ATRNL1: variants seen among roughly 807,000 people sequenced by gnomAD.
ATRNL1 encodes attractin like 1.
In ATRNL1, 95 loss-of-function variants were observed where a neutral mutation model predicts 182.7. The ratio of observed to expected loss-of-function variants is 0.52; its 90% CI spans 0.44 to 0.62. The LOEUF is 0.62. Ranked by LOEUF, ATRNL1 falls within the 20% of genes least tolerant of loss-of-function variation. The probability of loss-of-function intolerance (pLI) is 0.00; values close to 1 mark genes in which losing one functional copy is unlikely to be tolerated. For missense variants in ATRNL1, 1,471 were observed against 1,679.5 expected (o/e 0.88, Z 2.17); for synonymous variants, 576 against 568.3 (o/e 1.01, Z -0.19).
chr10:115,597,652 A>T (rs1224296197), intron 26 of ATRNL1: 1 of 443,936 alleles, frequency 2.3e-6, no homozygotes, highest in African/African-American at 2.1e-5. Flanking sequence ...AGCTCACTGC[A>T]ACCTCCGCAT....
intron 2 of ATRNL1, 62 bp from the exon 3 acceptor site, chr10:115,121,637 G>A (rs1592129047): frequency 6.8e-6 from 4 of 585,808 alleles, no homozygotes; most frequent in East Asian, 3.1e-5. Flanking sequence ...TAAATATTAT[G>A]TATTTATTCA....
chr10:115,532,108 G>A (rs1437511794), intron 25 of ATRNL1, among the ~76,000 whole-genome samples: 2 of 151,632 alleles, frequency 1.3e-5, no homozygotes, highest in African/African-American at 4.8e-5. Context: ...ACTTGGCGAT[G>A]CGGGCTCTTT....
intron 5 of ATRNL1, among the ~76,000 whole-genome samples, chr10:115,148,062 T>C (rs1846049313): frequency 6.6e-6 from 1 of 152,208 alleles, no homozygotes. Context: ...TTTAACAATA[T>C]TAATTCTCCC....
chr10:115,780,786 G>A (rs1272646279), intron 27 of ATRNL1, among the ~76,000 whole-genome samples: 2 of 152,082 alleles, frequency 1.3e-5, no homozygotes, highest in East Asian at 1.9e-4. Context: ...AGCGTCTTTG[G>A]GCCCTTAAAA....
intron 21 of ATRNL1, among the ~76,000 whole-genome samples, chr10:115,456,033 G>GA (rs1847507540): frequency 1.3e-5 from 2 of 152,146 alleles, no homozygotes; most frequent in African/African-American, 4.8e-5. Flanking sequence ...TTGCATTGTT[G>GA]GTGGGAGTGT....
Position 115,324,459 on chromosome 10 carries a change from A to T in ATRNL1, c.3037+8723A>T, listed in dbSNP as rs1554932550. Among the ~76,000 whole-genome samples, 2 of 152,164 alleles carry T rather than the reference A, an allele frequency of 1.3e-5. 1 individual carries two copies. Among genetic ancestry groups the T allele is most frequent in the South Asian group, 4.1e-4 (2 of 4,828 alleles). ...TATATTTGTATAACCTGGGTTGTGGATGTATCTACAAGGGCCATTTACATC... is the reference window on the plus strand; with the variant it reads ...TATATTTGTATAACCTGGGTTGTGGTTGTATCTACAAGGGCCATTTACATC... On this transcript the variant is annotated intron_variant, in intron 18 of 28. Coordinates refer to ENST00000355044, the MANE Select transcript of ATRNL1 (RefSeq NM_207303.4).
chr10:115,228,202 T>C (rs1427037581), intron 9 of ATRNL1, among the ~76,000 whole-genome samples: 1 of 152,158 alleles, frequency 6.6e-6, no homozygotes, highest in Admixed American at 6.6e-5. Flanking sequence ...TAGAAAAGAA[T>C]GGAGACATAA....
chr10:115,221,502 T>C (rs1051462396), intron 9 of ATRNL1, among the ~76,000 whole-genome samples: 1 of 152,098 alleles, frequency 6.6e-6, no homozygotes, highest in Non-Finnish European at 1.5e-5. Context: ...CTGAGAAAAA[T>C]TAGGAATTTT....
In ATRNL1 at chr10:115,461,948, TTTGA is replaced by T; in HGVS notation, c.3337_3340del (p.Asp1113IlefsTer18). The T allele has an allele frequency of 6.2e-7, 1 of 1,609,574 alleles. No homozygotes were observed. Among genetic ancestry groups the T allele is most frequent in the Non-Finnish European group, 8.5e-7 (1 of 1,177,898 alleles). On this transcript the variant is annotated frameshift_variant, in exon 22 of 29. Transcript: ENST00000355044. LOFTEE classifies it high-confidence loss of function. ...TTTTTTTCCTCCCTACAGACAGCCT[TTTGA>T]TTGATTATCAATTTACCTTCAGCTT...
At chr10:115,546,959 AAGTT>A (rs1256040440) in intron 25 of ATRNL1, among the ~76,000 whole-genome samples, 2 of 152,078 alleles carry the variant, frequency 1.3e-5, no homozygotes, top group African/African-American at 4.8e-5. Context: ...TGGTTGATAA[AAGTT>A]AGAATATTGG....
intron 15 of ATRNL1, among the ~76,000 whole-genome samples, chr10:115,299,173 TATC>T (rs1308987646): frequency 3.3e-5 from 5 of 151,760 alleles, no homozygotes; most frequent in Non-Finnish European, 7.4e-5. Context: ...ATAAATCTAT[TATC>T]ATATATATTA....
At chr10:115,781,647 C>A (rs1949268902) in intron 27 of ATRNL1, among the ~76,000 whole-genome samples, 1 of 152,060 alleles carries the variant, frequency 6.6e-6, no homozygotes, top group Non-Finnish European at 1.5e-5. Flanking sequence ...TAGTTGTTAC[C>A]CTTGGGAATG....
chr10:115,649,578 G>A (rs1391218463), intron 26 of ATRNL1, among the ~76,000 whole-genome samples: 2 of 152,118 alleles, frequency 1.3e-5, no homozygotes, highest in Admixed American at 1.3e-4. Flanking sequence ...CACCTCATCT[G>A]ATGCTTGAGT....
intron 24 of ATRNL1, among the ~76,000 whole-genome samples, chr10:115,480,650 C>G (rs1848723745): frequency 6.6e-6 from 1 of 150,838 alleles, no homozygotes; most frequent in South Asian, 2.1e-4. Context: ...TTTCTAATAG[C>G]TATAAAATAA....
chr10:115,121,832 C>A lies in ATRNL1; in HGVS notation c.491+20C>A. 2 of 1,221,096 alleles carry A rather than the reference C, an allele frequency of 1.6e-6. No homozygotes were observed. Among genetic ancestry groups the A allele is most frequent in the Non-Finnish European group, 2.3e-6 (2 of 858,958 alleles). The allele number at this position is 1,221,096 out of a possible 1,614,324, so 75.6% of individuals were successfully genotyped here. A position where few individuals can be genotyped will look rare whatever the true frequency, so the allele number is the denominator to read the frequency against. ...ACTTAGGTGAGTAATTATATTTAAT[C>A]AGTTGCAGAAAAGTGACTGTGTAAT... is the stretch of plus-strand genomic sequence containing the variant. On this transcript the variant is annotated intron_variant, in intron 3 of 28. Transcript: ENST00000355044.
chr10:115,813,975 T>A (rs782400276), intron 27 of ATRNL1, among the ~76,000 whole-genome samples: 25 of 152,302 alleles, frequency 1.6e-4, no homozygotes, highest in Non-Finnish European at 3.1e-4. Context: ...TCTTTTTTAA[T>A]TTTCCTTCAT....
At position 115,530,158 on chromosome 10, in the gene ATRNL1, C is replaced by T. The variant is rs1049971035; in HGVS notation, c.3716+10834C>T. 3.3e-5 allele frequency among the ~76,000 whole-genome samples: 5 copies of T among 152,156 alleles called. No individual in the cohort carries two copies. In the South Asian group the frequency reaches 1.0e-3, roughly 32 times the overall value. ...TATTTGAGTTCTTTCTTCTTTTTCACTGTTGTGAATAATACTACTATGCAC... is the reference window on the plus strand; with the variant it reads ...TATTTGAGTTCTTTCTTCTTTTTCATTGTTGTGAATAATACTACTATGCAC... On this transcript the variant is annotated intron_variant, in intron 25 of 28. Transcript: ENST00000355044.
rs527907516 is a variant in ATRNL1, at chr10:115,910,185, A to G, written c.4019-34473A>G. 7.2e-5 allele frequency among the ~76,000 whole-genome samples: 11 copies of G among 152,296 alleles called. No individual in the cohort carries two copies. The East Asian group carries it at 2.1e-3, about 29-fold the overall frequency. ...CCCCAAGTCACCTCCATATGGAGGA[A>G]GAATGACTAGACCCACAGGAGTGAA... On this transcript the variant is annotated intron_variant, in intron 28 of 28. Transcript: ENST00000355044.
chr10:115,371,513 A>C (rs1857394038), intron 19 of ATRNL1, among the ~76,000 whole-genome samples: 1 of 152,160 alleles, frequency 6.6e-6, no homozygotes, highest in South Asian at 2.1e-4. Flanking sequence ...ATCATTTTGG[A>C]GCTTTAAAAT....
Sources: allele counts gnomAD v4.1 joint callset (sites outside exome capture counted in the v4.1 genomes callset), GRCh38; gene constraint gnomAD v4.1.1; transcripts MANE v1.5; gene names NCBI Gene and HGNC (gene_info 2026-07-23, HGNC 2026-07-21).